Variants in BLM observed in about 807,000 individuals in gnomAD.
BLM encodes the protein BLM RecQ like helicase.
A neutral mutation model predicts 135.3 loss-of-function variants in BLM; 95 were observed. That is an observed-to-expected ratio of 0.70 (90% CI 0.59 to 0.83). BLM has a LOEUF of 0.83. Ranked by LOEUF, BLM falls within the 40% of genes least tolerant of loss-of-function variation. The pLI is 0.00. For synonymous variants in BLM, 520 were observed against 589.2 expected (o/e 0.88, Z 1.70); for missense variants, 1,518 against 1,663.9 (o/e 0.91, Z 1.53).
intron 7 of BLM, 66 bp from the exon 8 acceptor site, chr15:90,762,900 A>G: frequency 1.4e-6 from 2 of 1,439,084 alleles, no homozygotes. Flanking sequence ...GGGCAAGGGA[A>G]ATGCTAAAGC....
intron 1 of BLM, among the ~76,000 whole-genome samples, chr15:90,717,916 T>TA (rs2151122706): frequency 6.6e-6 from 1 of 152,370 alleles, no homozygotes; most frequent in South Asian, 2.1e-4. Flanking sequence ...CCCTTGATCT[T>TA]ACAACTGTAG....
chr15:90,747,237 C>CAAAAAAAA (rs59331923), intron 1 of BLM, among the ~76,000 whole-genome samples, 152 bp from the exon 2 acceptor site: 3 of 39,254 alleles, frequency 7.6e-5, no homozygotes, highest in African/African-American at 2.8e-4. Flanking sequence ...GTCTATTGAC[C>CAAAAAAAA]AAAAAAAAAA....
Position 90,782,275 on chromosome 15 carries a change from C to G in BLM, c.2556-547C>G, listed in dbSNP as rs533100487. 2.1e-3 allele frequency among the ~76,000 whole-genome samples: 323 copies of G among 152,170 alleles called. 1 individual carries two copies. The highest frequency in any genetic ancestry group is 7.5e-3 in the African/African-American group (310 of 41,508). On this transcript the variant is annotated intron_variant, in intron 12 of 21. Transcript: ENST00000355112. ...CGATGGTGGGCATCCATAATCCCAG[C>G]TACTTGGGAGGCTGAGGCAGGAGAA...
At chr15:90,783,687 G>T (rs1169069066) in intron 13 of BLM, among the ~76,000 whole-genome samples, 2 of 152,148 alleles carry the variant, frequency 1.3e-5, no homozygotes, top group Admixed American at 6.5e-5. Context: ...ATCACTTGAG[G>T]TCAGGATTTC....
intron 21 of BLM, 106 bp from the exon 22 acceptor site, chr15:90,814,996 C>T: frequency 8.6e-7 from 1 of 1,165,354 alleles, no homozygotes. Flanking sequence ...CACAAGGACA[C>T]ATTAGGCCCA....
chr15:90,790,607 T>C (rs1419437711), intron 14 of BLM, 42 bp from the exon 15 acceptor site: 2 of 1,573,634 alleles, frequency 1.3e-6, no homozygotes, highest in Admixed American at 1.7e-5. Flanking sequence ...TTCCTTCAAG[T>C]CTGTGCCTTA....
chr15:90,777,359 C>A (rs1056436417), intron 12 of BLM, among the ~76,000 whole-genome samples: 1 of 152,128 alleles, frequency 6.6e-6, no homozygotes, highest in Non-Finnish European at 1.5e-5. Flanking sequence ...CACCATATTG[C>A]GCAGGCTGGT....
chr15:90,807,084 T>A (rs1016062661), intron 19 of BLM, among the ~76,000 whole-genome samples: 16 of 152,216 alleles, frequency 1.1e-4, no homozygotes, highest in Admixed American at 1.3e-4. Flanking sequence ...GTCGTCCATG[T>A]CTTTGTTTTT....
chr15:90,767,036 A>G lies in BLM; in HGVS notation c.2307+13A>G, dbSNP rs371859766. ...CACTCCAGAAAAGGTTTGTATTTATATCATTATTTTAAAATATATTAAAGA... is the reference window on the plus strand; with the variant it reads ...CACTCCAGAAAAGGTTTGTATTTATGTCATTATTTTAAAATATATTAAAGA... On this transcript the variant is annotated intron_variant, in intron 10 of 21. Coordinates refer to ENST00000355112, the MANE Select transcript of BLM (RefSeq NM_000057.4). 1.5e-5 allele frequency: 21 copies of G among 1,446,608 alleles called. No homozygotes were observed. Among genetic ancestry groups the G allele is most frequent in the East Asian group, 2.3e-5 (1 of 43,382 alleles). The allele number at this position is 1,446,608 out of a possible 1,614,324, so 89.6% of individuals were successfully genotyped here.
chr15:90,742,310 G>C (rs1200645654), intron 1 of BLM, among the ~76,000 whole-genome samples: 1 of 152,164 alleles, frequency 6.6e-6, no homozygotes, highest in Admixed American at 6.5e-5. Context: ...CTTACAGAGC[G>C]ACGCTCTGTT....
chr15:90,794,758 A>G (rs1265705278), intron 16 of BLM, among the ~76,000 whole-genome samples: 3 of 148,870 alleles, frequency 2.0e-5, no homozygotes, highest in Non-Finnish European at 4.5e-5. Flanking sequence ...AATTAAATAT[A>G]TTAAAATTGA....
chr15:90,736,352 T>A (rs1443572204), intron 1 of BLM, among the ~76,000 whole-genome samples: 2 of 152,018 alleles, frequency 1.3e-5, no homozygotes, highest in African/African-American at 4.8e-5. Flanking sequence ...CAGCTCAAAC[T>A]CCCAGGCTCA....
chr15:90,785,262 AT>A (rs1350186350), intron 14 of BLM, among the ~76,000 whole-genome samples, 181 bp downstream of exon 14: 4 of 152,348 alleles, frequency 2.6e-5, no homozygotes, highest in African/African-American at 7.2e-5. Context: ...CATAAAAAAA[AT>A]CTGCTTGAGA....
At chr15:90,764,865 T>G (rs886130270) in intron 8 of BLM, among the ~76,000 whole-genome samples, 2 of 152,106 alleles carry the variant, frequency 1.3e-5, no homozygotes, top group Non-Finnish European at 2.9e-5. Flanking sequence ...GTGGATTACC[T>G]GAGGTCAGGA....
At chr15:90,790,606 G>T (rs1190665429) in intron 14 of BLM, 43 bp from the exon 15 acceptor site, 1 of 1,572,344 alleles carries the variant, frequency 6.4e-7, no homozygotes. Flanking sequence ...GTTCCTTCAA[G>T]TCTGTGCCTT....
In BLM at chr15:90,765,382, G is replaced by A. The variant is rs559554788; in HGVS notation, c.2161G>A (p.Val721Ile). The change falls in exon 9 of 22, where the codon GTA (valine) becomes ATA (isoleucine). Residue 721 changes from valine (V) to isoleucine (I), a missense_variant. Val to Ile is a conservative substitution (Grantham distance 29). This residue lies in a region of BLM where 626 missense variants were observed against 681.1 expected (regional missense o/e 0.92). Transcript: ENST00000355112. ...VVISPLRSLI[V>I]DQVQKLTSLD... Reference sequence around the variant, plus strand: ...CATTTCTCCCTTGAGATCACTTATCGTAGATCAAGTCCAAAAGCTGACTTC... The same window carrying A: ...CATTTCTCCCTTGAGATCACTTATCATAGATCAAGTCCAAAAGCTGACTTC... The A allele has an allele frequency of 2.9e-5, 46 of 1,612,270 alleles. No homozygotes were observed. The South Asian group carries it at 2.9e-4, about 10-fold the overall frequency.
Position 90,790,653 on chromosome 15 carries a change from T to C in BLM, c.2828T>C (p.Ile943Thr). The C allele has an allele frequency of 6.2e-7, 1 of 1,614,084 alleles. No individual in the cohort carries two copies. The highest frequency in any genetic ancestry group is 8.5e-7 in the Non-Finnish European group (1 of 1,179,914). ...AAGCTTTTGCTTTTATATCAGGTTA[T>C]CTGTGCTACAATTGCATTTGGAATG... ...KWINQDGCQV[I>T]CATIAFGMGI... is the part of the protein sequence containing the mutation. The change falls in exon 15 of 22, where the codon ATC (isoleucine) becomes ACC (threonine). Residue 943 changes from isoleucine to threonine, a missense_variant. By Grantham distance (89) the Ile-to-Thr change is moderately conservative. Coordinates refer to ENST00000355112, the MANE Select transcript of BLM (RefSeq NM_000057.4).
chr15:90,749,291 T>TA (rs1279261000), intron 2 of BLM, 76 bp from the exon 3 acceptor site: 1 of 1,092,610 alleles, frequency 9.2e-7, no homozygotes, highest in African/African-American at 1.6e-5. Flanking sequence ...TGAATTAGTT[T>TA]AAAAAATTAG....
intron 4 of BLM, among the ~76,000 whole-genome samples, chr15:90,753,315 T>G (rs938406502): frequency 6.6e-6 from 1 of 152,244 alleles, no homozygotes; most frequent in Non-Finnish European, 1.5e-5. Context: ...TCTTTATCCA[T>G]CTTCAGTTTT....
Sources: gnomAD v4.1 joint callset for allele counts (sites outside exome capture counted in the v4.1 genomes callset) on GRCh38, gnomAD v4.1.1 for gene constraint, gnomAD v4.1.1 regional missense constraint, MANE v1.5 for transcripts, NCBI Gene and HGNC (gene_info 2026-07-23, HGNC 2026-07-21) for gene names.